The following ST6GALNAC5 variants were observed in gnomAD, a reference collection of about 807,000 sequenced individuals.
The protein encoded by ST6GALNAC5 is alpha-N-acetylgalactosaminide alpha-2,6-sialyltransferase 5.
ST6GALNAC5 carries 27 observed loss-of-function variants against 33.6 expected under a neutral mutation model. The ratio of observed to expected loss-of-function variants is 0.80; its 90% CI spans 0.59 to 1.11. The LOEUF is 1.11. Among genes scored for constraint, ST6GALNAC5 ranks in the 50% least tolerant of loss-of-function variants. The pLI is 0.00. For missense variants in ST6GALNAC5, 428 were observed against 454.0 expected (o/e 0.94, Z 0.52); for synonymous variants, 194 against 171.2 (o/e 1.13, Z -1.04).
chr1:77,036,816 G>A (rs1054317050), intron 2 of ST6GALNAC5, among the ~76,000 whole-genome samples: 14 of 152,196 alleles, frequency 9.2e-5, no homozygotes, highest in African/African-American at 2.4e-4. Flanking sequence ...CCCTCCTTTC[G>A]GGGAGCTTAA....
rs150101957 is a variant in ST6GALNAC5 at position 77,033,146 on chromosome 1, C to T, written c.262-11058C>T. On this transcript the variant is annotated intron_variant, in intron 2 of 4. Transcript: ENST00000477717. ...AGGTGAGCCAGTGCGTAACATCAAC[C>T]AATGTACTAGCATTTCAGAAAAGAA... Among the ~76,000 whole-genome samples the T allele has an allele frequency of 8.5e-5, 13 of 152,312 alleles. No individual in the cohort carries two copies. In the East Asian group the frequency reaches 9.6e-4, roughly 11 times the overall value.
At chr1:76,948,738 A>T (rs1395054225) in intron 2 of ST6GALNAC5, among the ~76,000 whole-genome samples, 1 of 152,146 alleles carries the variant, frequency 6.6e-6, no homozygotes, top group African/African-American at 2.4e-5. Context: ...ACCATAGTGA[A>T]TATGATAGAG....
intron 2 of ST6GALNAC5, among the ~76,000 whole-genome samples, chr1:77,031,809 G>A (rs1651467867): frequency 6.6e-6 from 1 of 152,158 alleles, no homozygotes; most frequent in African/African-American, 2.4e-5. Flanking sequence ...TTAGGTCCTG[G>A]GGATATTGTG....
chr1:77,008,958 C>T (rs1371112343), intron 2 of ST6GALNAC5, among the ~76,000 whole-genome samples: 2 of 152,218 alleles, frequency 1.3e-5, no homozygotes, highest in Non-Finnish European at 2.9e-5. Flanking sequence ...CACCCTAGCA[C>T]CAATCCTAGC....
chr1:76,996,624 G>C (rs1166334849), intron 2 of ST6GALNAC5, among the ~76,000 whole-genome samples: 1 of 152,196 alleles, frequency 6.6e-6, no homozygotes, highest in Non-Finnish European at 1.5e-5. Context: ...TTCTGCACAA[G>C]TGTTAAGGAG....
chr1:76,984,984 G>A (rs1243581002), intron 2 of ST6GALNAC5, among the ~76,000 whole-genome samples: 2 of 151,926 alleles, frequency 1.3e-5, no homozygotes, highest in East Asian at 1.9e-4. Flanking sequence ...CTAAAAACAC[G>A]CAATAAACTA....
At position 77,041,822 on chromosome 1, in the gene ST6GALNAC5, A is replaced by G. The variant is rs116580212; in HGVS notation, c.262-2382A>G. On this transcript the variant is annotated intron_variant, in intron 2 of 4. Coordinates refer to ENST00000477717, the MANE Select transcript of ST6GALNAC5 (RefSeq NM_030965.3). Reference sequence around the variant, plus strand: ...CCTCCAAGGAATGGAGGTCTTTGGTAGAAGATTCTTGTCACTTTACTGCAT... The same window carrying G: ...CCTCCAAGGAATGGAGGTCTTTGGTGGAAGATTCTTGTCACTTTACTGCAT... Among the ~76,000 whole-genome samples, 216 of 152,318 alleles carry G rather than the reference A, an allele frequency of 1.4e-3. 1 individual carries two copies. The highest frequency in any genetic ancestry group is 4.5e-3 in the African/African-American group (186 of 41,572).
chr1:76,907,619 C>T (rs1646876729), intron 2 of ST6GALNAC5, among the ~76,000 whole-genome samples: 1 of 152,166 alleles, frequency 6.6e-6, no homozygotes, highest in Admixed American at 6.6e-5. Flanking sequence ...AGCCCCACAT[C>T]ATCTCACTCT....
intron 2 of ST6GALNAC5, among the ~76,000 whole-genome samples, chr1:76,876,219 G>A (rs188938293): frequency 6.6e-6 from 1 of 152,192 alleles, no homozygotes; most frequent in African/African-American, 2.4e-5. Context: ...CCCAAGGAAT[G>A]GTGCCATATC....
At position 76,869,000 on chromosome 1, in the gene ST6GALNAC5, G is replaced by A. The variant is rs1009935374; in HGVS notation, c.261+258G>A. The A allele has an allele frequency of 2.0e-6, 1 of 494,100 alleles. No homozygotes were observed. The allele number at this position is 494,100 out of a possible 1,614,324, so 30.6% of individuals were successfully genotyped here. On this transcript the variant is annotated intron_variant, in intron 2 of 4. Transcript: ENST00000477717. The surrounding 1 kb of genome is among the most constrained non-coding windows in gnomAD (Gnocchi z 4.3). The stretch of plus-strand genomic sequence containing the variant: ...TAATTTCCCAGCAGAAATCGGCCCT[G>A]GAACTAGAACTCCCTGATCCCCAGA...
chr1:76,878,532 C>G (rs1653702263), intron 2 of ST6GALNAC5, among the ~76,000 whole-genome samples: 1 of 152,126 alleles, frequency 6.6e-6, no homozygotes, highest in Admixed American at 6.5e-5. Context: ...TTTCCCTTTC[C>G]CCAGTGCACA....
chr1:77,025,602 G>T (rs1034808176), intron 2 of ST6GALNAC5, among the ~76,000 whole-genome samples: 14 of 152,142 alleles, frequency 9.2e-5, no homozygotes, highest in Non-Finnish European at 1.9e-4. Context: ...GGGTGCATCT[G>T]TAGCCACATG....
chr1:76,895,055 G>A (rs1294374338), intron 2 of ST6GALNAC5, among the ~76,000 whole-genome samples: 1 of 152,170 alleles, frequency 6.6e-6, no homozygotes, highest in Non-Finnish European at 1.5e-5. Flanking sequence ...GGATGAGCCA[G>A]GAGAAGGAAT....
intron 2 of ST6GALNAC5, among the ~76,000 whole-genome samples, chr1:76,995,223 C>T (rs1371108795): frequency 2.0e-5 from 3 of 152,104 alleles, no homozygotes; most frequent in Non-Finnish European, 2.9e-5. Flanking sequence ...CATAGCAAGA[C>T]CTCATCTCTA....
chr1:76,893,120 A>G (rs1052636380), intron 2 of ST6GALNAC5, among the ~76,000 whole-genome samples: 7 of 152,146 alleles, frequency 4.6e-5, no homozygotes, highest in African/African-American at 1.7e-4. Context: ...CAATGAAAAA[A>G]TGTAGATCCT....
At chr1:76,938,186 T>C (rs1647238859) in intron 2 of ST6GALNAC5, among the ~76,000 whole-genome samples, 1 of 152,076 alleles carries the variant, frequency 6.6e-6, no homozygotes, top group African/African-American at 2.4e-5. Flanking sequence ...ACTAGTACCT[T>C]TGGTAAGAAA....
chr1:76,876,814 C>A lies in ST6GALNAC5; in HGVS notation c.261+8072C>A, dbSNP rs1426990548. Reference sequence around the variant, plus strand: ...GTGGTGCCTGCATAACCATGCAGAACCATCTGTGAACCAGGCCTTAGTCTT... The same window carrying A: ...GTGGTGCCTGCATAACCATGCAGAAACATCTGTGAACCAGGCCTTAGTCTT... On this transcript the variant is annotated intron_variant, in intron 2 of 4. Transcript: ENST00000477717. Among the ~76,000 whole-genome samples the A allele has an allele frequency of 2.0e-5, 3 of 152,148 alleles. No homozygotes were observed. The East Asian group carries it at 5.8e-4, about 29-fold the overall frequency.
At chr1:76,972,839 C>G (rs1487912994) in intron 2 of ST6GALNAC5, among the ~76,000 whole-genome samples, 2 of 152,132 alleles carry the variant, frequency 1.3e-5, no homozygotes, top group East Asian at 3.9e-4. Context: ...GTGCCTAATA[C>G]ATTTAGATTT....
At chr1:76,922,449 ATT>A (rs1647043034) in intron 2 of ST6GALNAC5, among the ~76,000 whole-genome samples, 3 of 152,172 alleles carry the variant, frequency 2.0e-5, no homozygotes, top group African/African-American at 4.8e-5. Flanking sequence ...TTATCTATAG[ATT>A]TAATGTAATT....
Sources: gnomAD v4.1 joint callset for allele counts (sites outside exome capture counted in the v4.1 genomes callset) on GRCh38, gnomAD v4.1.1 for gene constraint, Gnocchi (gnomAD v3.1) non-coding constraint, MANE v1.5 for transcripts, NCBI Gene and HGNC (gene_info 2026-07-23, HGNC 2026-07-21) for gene names.